Variants in TTC21B observed in about 807,000 individuals in gnomAD.
The protein encoded by TTC21B is tetratricopeptide repeat domain 21B.
A neutral mutation model predicts 175.1 loss-of-function variants in TTC21B; 127 were observed. The observed-to-expected ratio is 0.73, with a 90% CI of 0.63 to 0.84. The LOEUF is 0.84. Ranked by LOEUF, TTC21B falls within the 40% of genes least tolerant of loss-of-function variation. The pLI, the probability that TTC21B is intolerant of heterozygous loss-of-function variation, is 0.00. For missense variants in TTC21B, 1,561 were observed against 1,558.3 expected (o/e 1.00, Z -0.03); for synonymous variants, 524 against 524.5 (o/e 1.00, Z 0.01).
chr2:165,939,912 C>T (rs187940621), intron 6 of TTC21B, among the ~76,000 whole-genome samples: 88 of 152,258 alleles, frequency 5.8e-4, no homozygotes, highest in African/African-American at 2.0e-3. Context: ...TTGTGTGGCT[C>T]TGGAGAAACT....
At chr2:165,942,798 T>C (rs747850693) in intron 5 of TTC21B, among the ~76,000 whole-genome samples, 2 of 152,254 alleles carry the variant, frequency 1.3e-5, no homozygotes, top group Non-Finnish European at 2.9e-5. Context: ...TTTTCCATTA[T>C]ACTTATCACC....
intron 12 of TTC21B, among the ~76,000 whole-genome samples, chr2:165,920,305 A>G (rs1032437999): frequency 2.0e-5 from 3 of 149,546 alleles, no homozygotes; most frequent in Admixed American, 6.6e-5. Flanking sequence ...GCCTCAGTCA[A>G]CAAAATAAGG....
intron 19 of TTC21B, among the ~76,000 whole-genome samples, chr2:165,904,955 G>A (rs73018801): frequency 1.2e-3 from 186 of 152,198 alleles, no homozygotes; most frequent in African/African-American, 4.3e-3. Flanking sequence ...ATCCCTCTCA[G>A]AAGTAAGCTG....
chr2:165,941,100 G>C lies in TTC21B; in HGVS notation c.637C>G (p.Pro213Ala). Residue 213 changes from proline to alanine, a missense_variant, in exon 6 of 29, where the codon CCT (proline) becomes GCT (alanine). Pro to Ala is a conservative substitution (Grantham distance 27). Transcript: ENST00000243344. ...QIIVNFPSFL[P>A]AFVKKMKLQL... ...AATTTCATTTTCTTAACAAAAGCAG[G>C]AAGGAAGCTCGGAAAATTCACGATT... The C allele has an allele frequency of 6.2e-7, 1 of 1,613,874 alleles. No individual in the cohort carries two copies. The highest frequency in any genetic ancestry group is 8.5e-7 in the Non-Finnish European group (1 of 1,179,872).
At position 165,874,594 on chromosome 2, in the gene TTC21B, A is replaced by C; in HGVS notation, c.*161T>G. ...AACTCCATTAGGAAACACCAATTTCACATAGTACTTCTCTTGATGTACAGC... is the reference window on the plus strand; with the variant it reads ...AACTCCATTAGGAAACACCAATTTCCCATAGTACTTCTCTTGATGTACAGC... On this transcript the variant is annotated 3_prime_UTR_variant, in exon 29 of 29. Transcript: ENST00000243344. The C allele has an allele frequency of 1.5e-6, 1 of 645,400 alleles. No individual in the cohort carries two copies. The highest frequency in any genetic ancestry group is 2.8e-6 in the Non-Finnish European group (1 of 359,810). 40.0% of individuals were successfully genotyped at this position (645,400 alleles called of 1,614,324 possible).
In TTC21B at chr2:165,880,690, TTTGTCCGATTGCTA is replaced by T; in HGVS notation, c.3780_3793del (p.Tyr1260Ter). On this transcript the variant is annotated stop_gained and frameshift_variant, in exon 27 of 29. Transcript: ENST00000243344. LOFTEE classifies it high-confidence loss of function. The stretch of plus-strand genomic sequence containing the variant: ...ATTGCCAAACTCACCTACTGCCGGA[TTTGTCCGATTGCTA>T]TATTTCCATGCCATCTCATAGTTCA... The T allele has an allele frequency of 6.2e-7, 1 of 1,613,566 alleles. No homozygotes were observed.
chr2:165,942,756 TG>T (rs778252190), intron 5 of TTC21B, among the ~76,000 whole-genome samples: 69 of 152,350 alleles, frequency 4.5e-4, no homozygotes, highest in Admixed American at 7.8e-4. Context: ...CATGTAAAAC[TG>T]GAAGTTCATG....
Position 165,953,646 on chromosome 2 carries a change from C to CGCCT in TTC21B, c.21+38_21+39insAGGC, listed in dbSNP as rs764907932. 1.2e-4 allele frequency: 175 copies of CGCCT among 1,469,368 alleles called. No individual in the cohort carries two copies. The African/African-American group carries it at 2.3e-3, about 19-fold the overall frequency. The allele number at this position is 1,469,368 out of a possible 1,614,324, so 91.0% of individuals were successfully genotyped here. On this transcript the variant is annotated intron_variant, in intron 1 of 28. Transcript: ENST00000243344. ...CAAAAGGCCGCAAAGGAACTCCGCC[C>CGCCT]GCCCGCCCGCTCACCCGCTCACCCG...
In TTC21B at chr2:165,901,746, C is replaced by T; in HGVS notation, c.2733G>A (p.Leu911=). 1 of 1,614,068 alleles carries T rather than the reference C, an allele frequency of 6.2e-7. No homozygotes were observed. Among genetic ancestry groups the T allele is most frequent in the Non-Finnish European group, 8.5e-7 (1 of 1,179,982 alleles). ...CCTTATTATCTGTTTCGCAGTGAAC[C>T]AGAGCCTCTCTATAAAACTTAATTG... ...EKAIKFYREA[L]VHCETDNKIM... is the part of the protein sequence containing the mutation. The change falls in exon 20 of 29, where the codon CTG becomes CTA. Residue 911 remains leucine (L), a synonymous_variant. Coordinates refer to ENST00000243344, the MANE Select transcript of TTC21B (RefSeq NM_024753.5).
chr2:165,945,657 A>G lies in TTC21B; in HGVS notation c.296T>C (p.Val99Ala). 1.2e-6 allele frequency: 2 copies of G among 1,613,576 alleles called. No homozygotes were observed. Among genetic ancestry groups the G allele is most frequent in the East Asian group, 2.2e-5 (1 of 44,802 alleles). The change falls in exon 4 of 29, where the codon GTG becomes GCG. Residue 99 changes from valine to alanine, a missense_variant. By Grantham distance (64) the Val-to-Ala change is moderately conservative. Transcript: ENST00000243344. ...TCCAGCTCCTTTACGTTGTTCCTTC[A>G]CTCTGGCATCTGATTCCAGAATAGC... is the stretch of plus-strand genomic sequence containing the variant. The part of the protein sequence containing the change: ...REAILESDAR[V>A]KEQRKGAGEK...
chr2:165,877,754 T>G (rs1392637216), intron 27 of TTC21B, among the ~76,000 whole-genome samples: 1 of 152,106 alleles, frequency 6.6e-6, no homozygotes, highest in Non-Finnish European at 1.5e-5. Flanking sequence ...TATATATATA[T>G]CTCTACACAC....
chr2:165,949,527 G>A, intron 2 of TTC21B, 23 bp from the exon 3 acceptor site: 1 of 1,613,434 alleles, frequency 6.2e-7, no homozygotes. Flanking sequence ...ATTATGATAT[G>A]AAAAACTGTT....
chr2:165,924,985 A>G (rs1686575427), intron 11 of TTC21B, among the ~76,000 whole-genome samples: 1 of 152,220 alleles, frequency 6.6e-6, no homozygotes, highest in African/African-American at 2.4e-5. Context: ...TCAGAGAAAT[A>G]TATCTGTTAA....
At position 165,921,374 on chromosome 2, in the gene TTC21B, C is replaced by T. The variant is rs1471660155; in HGVS notation, c.1517-1941G>A. On this transcript the variant is annotated intron_variant, in intron 12 of 28. Coordinates refer to ENST00000243344, the MANE Select transcript of TTC21B (RefSeq NM_024753.5). ...TTGACATGTCAGGAAGGTGATGTCT[C>T]CTGACTCCATGGGGAGAGGGCAATG... is the stretch of plus-strand genomic sequence containing the variant. Among the ~76,000 whole-genome samples the T allele has an allele frequency of 2.0e-5, 3 of 152,276 alleles. No homozygotes were observed. The South Asian group carries it at 6.2e-4, about 32-fold the overall frequency.
chr2:165,891,166 T>C (rs1213656463), intron 22 of TTC21B, among the ~76,000 whole-genome samples, 178 bp from the exon 23 acceptor site: 2 of 152,102 alleles, frequency 1.3e-5, no homozygotes, highest in African/African-American at 2.4e-5. Flanking sequence ...GATGATCTAC[T>C]AAATAATACA....
intron 19 of TTC21B, among the ~76,000 whole-genome samples, chr2:165,905,273 G>A (rs1206495996): frequency 6.6e-6 from 1 of 151,914 alleles, no homozygotes; most frequent in African/African-American, 2.4e-5. Context: ...ATTTAACTCA[G>A]ATAAAAGTCA....
At chr2:165,923,464 C>G (rs1686498104) in intron 12 of TTC21B, among the ~76,000 whole-genome samples, 1 of 142,352 alleles carries the variant, frequency 7.0e-6, no homozygotes, top group South Asian at 2.2e-4. Context: ...TTTTTTTTTC[C>G]AAGACAGAGT....
chr2:165,943,254 G>T lies in TTC21B; in HGVS notation c.517C>A (p.Gln173Lys). The change falls in exon 5 of 29, where the codon CAA becomes AAA. Residue 173 changes from glutamine (Q) to lysine (K), a missense_variant. By Grantham distance (53) the Gln-to-Lys change is moderately conservative. Transcript: ENST00000243344. ...AGAGCAAAAGTATCATTCCCATCTT[G>T]GAGTCCCTCTTCAAAATACTTCAGT... ...KALKYFEEGL[Q>K]DGNDTFALLG... 3.7e-6 allele frequency: 6 copies of T among 1,613,470 alleles called. No individual in the cohort carries two copies. Among genetic ancestry groups the T allele is most frequent in the Non-Finnish European group, 3.4e-6 (4 of 1,179,530 alleles).
chr2:165,927,321 A>G (rs1323287150), intron 11 of TTC21B, among the ~76,000 whole-genome samples: 1 of 53,552 alleles, frequency 1.9e-5, no homozygotes, highest in East Asian at 3.8e-4. Flanking sequence ...ATATTATATA[A>G]TATATATATA....
Sources: allele counts gnomAD v4.1 joint callset (sites outside exome capture counted in the v4.1 genomes callset), GRCh38; gene constraint gnomAD v4.1.1; transcripts MANE v1.5; gene names NCBI Gene and HGNC (gene_info 2026-07-23, HGNC 2026-07-21).